Variants in RGS20 observed in about 807,000 individuals in gnomAD.
RGS20 encodes regulator of G protein signaling 20.
In RGS20, 30 loss-of-function variants were observed where a neutral mutation model predicts 33.6. That is an observed-to-expected ratio of 0.89 (90% CI 0.67 to 1.21). The LOEUF (loss-of-function observed/expected upper bound fraction) is 1.21. RGS20 is among the 50% of genes most tolerant of loss of function. The pLI is 0.00. For synonymous variants in RGS20, 208 were observed against 197.9 expected (o/e 1.05, Z -0.43); for missense variants, 472 against 502.4 (o/e 0.94, Z 0.58).
At chr8:53,924,812 G>A (rs1813748647) in intron 2 of RGS20, among the ~76,000 whole-genome samples, 3 of 152,140 alleles carry the variant, frequency 2.0e-5, no homozygotes, top group African/African-American at 7.2e-5. Flanking sequence ...TGTGAATATG[G>A]CAGATTTCAG....
At chr8:53,928,613 CAGG>C (rs1309416761) in intron 2 of RGS20, among the ~76,000 whole-genome samples, 1 of 151,990 alleles carries the variant, frequency 6.6e-6, no homozygotes, top group Non-Finnish European at 1.5e-5. Context: ...CACCTGAGGT[CAGG>C]AGTTCGAGAC....
chr8:53,914,178 G>A (rs1429584411), intron 2 of RGS20, among the ~76,000 whole-genome samples: 1 of 152,028 alleles, frequency 6.6e-6, no homozygotes, highest in East Asian at 1.9e-4. Context: ...CTATAGGCAT[G>A]CATCACCACA....
At chr8:53,889,412 CTTTTTTTTTTTTTT>C (rs34316630) in intron 2 of RGS20, among the ~76,000 whole-genome samples, 666 of 41,852 alleles carry the variant, frequency 0.016, 65 homozygotes, top group African/African-American at 0.034. Flanking sequence ...CTCTCTCTCT[CTTTTTTTTTTTTTT>C]TTTTTTTTTT....
At chr8:53,947,035 A>G (rs1814501905) in intron 4 of RGS20, among the ~76,000 whole-genome samples, 1 of 148,026 alleles carries the variant, frequency 6.8e-6, no homozygotes, top group African/African-American at 2.5e-5. Flanking sequence ...TATATAATAT[A>G]CTTTTAAAAA....
At chr8:53,915,387 A>C (rs1356345822) in intron 2 of RGS20, among the ~76,000 whole-genome samples, 1 of 151,164 alleles carries the variant, frequency 6.6e-6, no homozygotes, top group South Asian at 2.1e-4. Context: ...TTTTTCTTCT[A>C]CAGGGATCTC....
At chr8:53,878,512 G>A (rs1237117569) in intron 1 of RGS20, among the ~76,000 whole-genome samples, 1 of 152,016 alleles carries the variant, frequency 6.6e-6, no homozygotes, top group Non-Finnish European at 1.5e-5. Context: ...GGTGTTCCCG[G>A]GAATAAGAAG....
At chr8:53,898,965 A>T (rs76698151) in intron 2 of RGS20, among the ~76,000 whole-genome samples, 1 of 152,354 alleles carries the variant, frequency 6.6e-6, no homozygotes, top group East Asian at 1.9e-4. Flanking sequence ...CTGTAGCATG[A>T]TGGTCAGGGA....
intron 2 of RGS20, among the ~76,000 whole-genome samples, chr8:53,916,575 T>C (rs1278500212): frequency 6.6e-6 from 1 of 152,194 alleles, no homozygotes; most frequent in African/African-American, 2.4e-5. Context: ...GGCCTAATTG[T>C]CATTCTTTTG....
intron 2 of RGS20, among the ~76,000 whole-genome samples, chr8:53,898,179 G>A (rs1483213878): frequency 6.6e-6 from 1 of 151,974 alleles, no homozygotes; most frequent in Non-Finnish European, 1.5e-5. Flanking sequence ...GAGTGGTGGT[G>A]ATGATGATGA....
intron 1 of RGS20, among the ~76,000 whole-genome samples, chr8:53,861,335 C>T (rs188477630): frequency 7.6e-4 from 116 of 152,328 alleles, no homozygotes; most frequent in Middle Eastern, 3.4e-3. Context: ...ACCCTCTGTC[C>T]TCTCTTGAGT....
intron 5 of RGS20, among the ~76,000 whole-genome samples, chr8:53,957,572 G>A (rs1263614293): frequency 1.3e-5 from 2 of 152,224 alleles, no homozygotes; most frequent in African/African-American, 4.8e-5. Flanking sequence ...CCAGGTGTCA[G>A]CCCCCACGTT....
At chr8:53,932,813 G>A (rs1326974038) in intron 2 of RGS20, among the ~76,000 whole-genome samples, 2 of 152,166 alleles carry the variant, frequency 1.3e-5, no homozygotes, top group South Asian at 2.1e-4. Context: ...CCTGACCCCT[G>A]TGCCTCCTGA....
At chr8:53,926,647 C>T (rs1477833008) in intron 2 of RGS20, among the ~76,000 whole-genome samples, 1 of 152,190 alleles carries the variant, frequency 6.6e-6, no homozygotes, top group Non-Finnish European at 1.5e-5. Flanking sequence ...CATGGTGGCT[C>T]ACACATCTAA....
chr8:53,860,324 G>A (rs1201316148), intron 1 of RGS20, among the ~76,000 whole-genome samples: 2 of 152,024 alleles, frequency 1.3e-5, no homozygotes, highest in African/African-American at 2.4e-5. Context: ...GACTATATTT[G>A]GCTTATATGA....
intron 1 of RGS20, among the ~76,000 whole-genome samples, chr8:53,860,825 G>T (rs771639342): frequency 6.6e-6 from 1 of 152,100 alleles, no homozygotes; most frequent in Non-Finnish European, 1.5e-5. Context: ...AAATTAGCTG[G>T]GTGTGGTGGC....
At chr8:53,895,706 G>A (rs1182707470) in intron 2 of RGS20, among the ~76,000 whole-genome samples, 7 of 150,832 alleles carry the variant, frequency 4.6e-5, no homozygotes, top group Non-Finnish European at 8.9e-5. Flanking sequence ...GTGCAGTGGC[G>A]GGATCTCGGC....
chr8:53,867,860 C>A (rs1003999919), intron 1 of RGS20, among the ~76,000 whole-genome samples: 9 of 152,062 alleles, frequency 5.9e-5, no homozygotes, highest in African/African-American at 2.2e-4. Flanking sequence ...GTAGCTGGGA[C>A]TACAGGCACA....
At chr8:53,906,898 GGCTTACA>G (rs1351011232) in intron 2 of RGS20, among the ~76,000 whole-genome samples, 1 of 152,182 alleles carries the variant, frequency 6.6e-6, no homozygotes, top group African/African-American at 2.4e-5. Flanking sequence ...GCAAGGGGAA[GGCTTACA>G]GCTGAGAGTT....
rs1381415752 is a variant in RGS20, at chr8:53,958,562, C to T, written c.*104C>T. 1 of 527,900 alleles carries T rather than the reference C, an allele frequency of 1.9e-6. No individual in the cohort carries two copies. Among genetic ancestry groups the T allele is most frequent in the Non-Finnish European group, 3.0e-6 (1 of 337,938 alleles). 32.7% of individuals were successfully genotyped at this position (527,900 alleles called of 1,614,324 possible). On this transcript the variant is annotated 3_prime_UTR_variant, in exon 6 of 6. Coordinates refer to ENST00000297313, the MANE Select transcript of RGS20 (RefSeq NM_170587.4). ...TGTAGCATCTTCTGCTGGAGTAATA[C>T]TCAGGCTATTCTAATAACAGATGAT...
Sources: allele counts gnomAD v4.1 joint callset (sites outside exome capture counted in the v4.1 genomes callset), GRCh38; gene constraint gnomAD v4.1.1; transcripts MANE v1.5; gene names NCBI Gene and HGNC (gene_info 2026-07-23, HGNC 2026-07-21).